ULK4: variants seen among roughly 807,000 people sequenced by gnomAD.
ULK4 encodes unc-51 like kinase 4, also known as inactive serine/threonine-protein kinase ULK4.
A neutral mutation model predicts 160.6 loss-of-function variants in ULK4; 133 were observed. The ratio of observed to expected loss-of-function variants is 0.83; its 90% CI spans 0.72 to 0.96. ULK4 has a LOEUF of 0.96. Ranked by LOEUF, ULK4 falls within the 40% of genes least tolerant of loss-of-function variation. The pLI, the probability that ULK4 is intolerant of heterozygous loss-of-function variation, is 0.00. For synonymous variants in ULK4, 534 were observed against 539.8 expected (o/e 0.99, Z 0.15); for missense variants, 1,580 against 1,499.5 (o/e 1.05, Z -0.89).
intron 35 of ULK4, among the ~76,000 whole-genome samples, chr3:41,258,737 C>T (rs181731304): frequency 6.6e-6 from 1 of 152,132 alleles, no homozygotes; most frequent in East Asian, 1.9e-4. Flanking sequence ...GAGTGCCAGC[C>T]ATTATCTCAT....
rs550858684 is a variant in ULK4, at chr3:41,749,286, C to A, written c.2321+5075G>T. ...TCACTTCAGGTCAGCAGTTCGAGAC[C>A]AGTCTGGTCAACGTGGTGAAACCCC... On this transcript the variant is annotated intron_variant, in intron 22 of 36. Transcript: ENST00000301831. Among the ~76,000 whole-genome samples, 7 of 152,232 alleles carry A rather than the reference C, an allele frequency of 4.6e-5. No individual in the cohort carries two copies. The East Asian group carries it at 1.4e-3, about 29-fold the overall frequency.
intron 22 of ULK4, among the ~76,000 whole-genome samples, chr3:41,718,845 T>G (rs1164049118): frequency 6.6e-6 from 1 of 152,238 alleles, no homozygotes; most frequent in South Asian, 2.1e-4. Flanking sequence ...AATAGACTTA[T>G]GCATGCATTT....
chr3:41,644,893 G>T lies in ULK4; in HGVS notation c.3071+18714C>A, dbSNP rs1489971552. ...AGATACTGTTACTGGTCTATTCAGA[G>T]ATTCAACTTCTTCCTGGTTTAGTCT... On this transcript the variant is annotated intron_variant, in intron 30 of 36. Coordinates refer to ENST00000301831, the MANE Select transcript of ULK4 (RefSeq NM_017886.4). 2.6e-5 allele frequency among the ~76,000 whole-genome samples: 4 copies of T among 152,178 alleles called. No homozygotes were observed. The East Asian group carries it at 7.7e-4, about 29-fold the overall frequency.
rs1575798920 is a variant in ULK4, at chr3:41,835,974, G to GA, written c.1657-4_1657-3insT. On this transcript the variant is annotated splice_polypyrimidine_tract_variant and splice_region_variant and intron_variant, in intron 17 of 36. Coordinates refer to ENST00000301831, the MANE Select transcript of ULK4 (RefSeq NM_017886.4). ...AATTCAGTTAAGAGAACAATTGCCTGCAAAGACAAAAAAAAAAAAAGTAAA... is the reference window on the plus strand; with the variant it reads ...AATTCAGTTAAGAGAACAATTGCCTGACAAAGACAAAAAAAAAAAAAGTAAA... 1 of 1,494,916 alleles carries GA rather than the reference G, an allele frequency of 6.7e-7. No individual in the cohort carries two copies. Among genetic ancestry groups the GA allele is most frequent in the Admixed American group, 2.0e-5 (1 of 50,472 alleles). 92.6% of individuals were successfully genotyped at this position (1,494,916 alleles called of 1,614,324 possible).
At position 41,251,477 on chromosome 3, in the gene ULK4, T is replaced by C. The variant is rs188048257; in HGVS notation, c.3679-1903A>G. On this transcript the variant is annotated intron_variant, in intron 35 of 36. Coordinates refer to ENST00000301831, the MANE Select transcript of ULK4 (RefSeq NM_017886.4). Reference sequence around the variant, plus strand: ...GCAACAGGTAAATAGGAGAGGACACTGAATTCAAAGCACCACTGAACTGGC... The same window carrying C: ...GCAACAGGTAAATAGGAGAGGACACCGAATTCAAAGCACCACTGAACTGGC... 9.2e-4 allele frequency among the ~76,000 whole-genome samples: 140 copies of C among 152,310 alleles called. 3 individuals carry two copies. The highest frequency in any genetic ancestry group is 8.9e-3 in the East Asian group (46 of 5,180).
At chr3:41,575,972 G>A (rs1323186641) in intron 31 of ULK4, among the ~76,000 whole-genome samples, 1 of 152,208 alleles carries the variant, frequency 6.6e-6, no homozygotes, top group Non-Finnish European at 1.5e-5. Flanking sequence ...GGAGCCAAAG[G>A]GAAGCTGCCA....
At chr3:41,926,128 C>T (rs967204927) in intron 5 of ULK4, among the ~76,000 whole-genome samples, 1 of 152,174 alleles carries the variant, frequency 6.6e-6, no homozygotes, top group African/African-American at 2.4e-5. Flanking sequence ...AGGTGCCCCT[C>T]CAGGACGAAG....
chr3:41,707,681 T>C (rs1289711562), intron 25 of ULK4, among the ~76,000 whole-genome samples: 1 of 151,796 alleles, frequency 6.6e-6, no homozygotes, highest in African/African-American at 2.4e-5. Context: ...AAATAAAAAA[T>C]TAGCCAAGCA....
At chr3:41,713,403 C>A (rs1396889391) in intron 25 of ULK4, among the ~76,000 whole-genome samples, 2 of 152,166 alleles carry the variant, frequency 1.3e-5, no homozygotes, top group African/African-American at 2.4e-5. Context: ...GTCAATAATT[C>A]TCTCCCTTTG....
intron 19 of ULK4, among the ~76,000 whole-genome samples, chr3:41,811,442 T>C (rs1310833177): frequency 6.6e-6 from 1 of 152,180 alleles, no homozygotes; most frequent in Non-Finnish European, 1.5e-5. Flanking sequence ...ACAGGTGTGA[T>C]TGAGCCATGG....
intron 27 of ULK4, among the ~76,000 whole-genome samples, chr3:41,684,376 C>T (rs1290439046): frequency 1.3e-5 from 2 of 152,286 alleles, no homozygotes; most frequent in South Asian, 2.1e-4. Flanking sequence ...CAGTTACAAA[C>T]GTTGCTGCAG....
At chr3:41,699,706 G>A (rs2036609216) in intron 27 of ULK4, among the ~76,000 whole-genome samples, 1 of 152,214 alleles carries the variant, frequency 6.6e-6, no homozygotes, top group African/African-American at 2.4e-5. Flanking sequence ...AACATCATGT[G>A]TGCTAACATT....
chr3:41,730,058 C>G (rs1280737385), intron 22 of ULK4, among the ~76,000 whole-genome samples: 1 of 151,952 alleles, frequency 6.6e-6, no homozygotes, highest in Admixed American at 6.5e-5. Context: ...ACAGAAGGGT[C>G]AAGGAAAAAT....
In ULK4 at chr3:41,831,531, A is replaced by ATATATATTTT; in HGVS notation, c.1764+4332_1764+4333insAAAATATATA. 1.2e-4 allele frequency among the ~76,000 whole-genome samples: 16 copies of ATATATATTTT among 138,128 alleles called. 1 individual carries two copies. Among genetic ancestry groups the ATATATATTTT allele is most frequent in the African/African-American group, 4.3e-4 (15 of 35,272 alleles). 90.6% of individuals were successfully genotyped at this position (138,128 alleles called of 152,430 possible). Reference sequence around the variant, plus strand: ...TTATTGTTATTTTATATATATATATATTTTTTTTTCTTTCTTAAACTTTAG... The same window carrying ATATATATTTT: ...TTATTGTTATTTTATATATATATATATATATATTTTTTTTTTTTTCTTTCTTAAACTTTAG... On this transcript the variant is annotated intron_variant, in intron 18 of 36. Transcript: ENST00000301831.
chr3:41,953,237 CACATATATATACACAT>C (rs1309520369), intron 2 of ULK4, among the ~76,000 whole-genome samples: 5 of 147,296 alleles, frequency 3.4e-5, no homozygotes, highest in African/African-American at 9.9e-5. Context: ...TATATACACA[CACATATATATACACAT>C]ACATATATAT....
intron 32 of ULK4, among the ~76,000 whole-genome samples, chr3:41,510,334 A>G (rs1318284372): frequency 6.6e-6 from 1 of 152,214 alleles, no homozygotes; most frequent in Non-Finnish European, 1.5e-5. Flanking sequence ...TTTATAAAAC[A>G]ATTACTGCTA....
intron 30 of ULK4, among the ~76,000 whole-genome samples, chr3:41,659,972 T>A (rs1324645064): frequency 6.6e-6 from 1 of 151,954 alleles, no homozygotes. Context: ...GAAAAACATA[T>A]GTAACATGCT....
chr3:41,360,864 C>G lies in ULK4; in HGVS notation c.3678+37215G>C, dbSNP rs548851694. Among the ~76,000 whole-genome samples, 370 of 152,096 alleles carry G rather than the reference C, an allele frequency of 2.4e-3. 7 individuals carry two copies. The highest frequency in any genetic ancestry group is 8.8e-3 in the African/African-American group (366 of 41,454). The stretch of plus-strand genomic sequence containing the variant: ...TGGGATGATCTGTGCTACAAACCAC[C>G]ATAGCACACGTTTACCTATGTAACA... On this transcript the variant is annotated intron_variant, in intron 35 of 36. Coordinates refer to ENST00000301831, the MANE Select transcript of ULK4 (RefSeq NM_017886.4).
chr3:41,859,372 T>C (rs775133369), intron 17 of ULK4: 9 of 581,206 alleles, frequency 1.5e-5, no homozygotes, highest in Non-Finnish European at 2.4e-5. Flanking sequence ...ATGCTTCAGA[T>C]ACCAGACGGC....
Sources: gnomAD v4.1 joint callset for allele counts (sites outside exome capture counted in the v4.1 genomes callset) on GRCh38, gnomAD v4.1.1 for gene constraint, MANE v1.5 for transcripts, NCBI Gene and HGNC (gene_info 2026-07-23, HGNC 2026-07-21) for gene names.